GALNTL6: variants seen among roughly 807,000 people sequenced by gnomAD.
GALNTL6 encodes polypeptide N-acetylgalactosaminyltransferase-like 6.
In GALNTL6, 46 loss-of-function variants were observed where a neutral mutation model predicts 73.7. That is an observed-to-expected ratio of 0.62 (90% CI 0.49 to 0.80). GALNTL6 has a LOEUF of 0.80. GALNTL6 is among the 30% of genes least tolerant of loss of function. The pLI, the probability that GALNTL6 is intolerant of heterozygous loss-of-function variation, is 0.00. For synonymous variants in GALNTL6, 259 were observed against 263.7 expected (o/e 0.98, Z 0.17); for missense variants, 604 against 755.0 (o/e 0.80, Z 2.34).
At chr4:172,959,356 G>A (rs990463505) in intron 10 of GALNTL6, among the ~76,000 whole-genome samples, 2 of 152,078 alleles carry the variant, frequency 1.3e-5, no homozygotes, top group African/African-American at 4.8e-5. Context: ...AAGGGAGCTG[G>A]GCAGGTGGGG....
chr4:172,793,521 A>G (rs1560956626), intron 5 of GALNTL6, among the ~76,000 whole-genome samples: 1 of 152,200 alleles, frequency 6.6e-6, no homozygotes, highest in African/African-American at 2.4e-5. Context: ...TGTGAAAAGC[A>G]TCCCGGGACC....
chr4:171,998,223 T>C (rs1400577837), intron 2 of GALNTL6, among the ~76,000 whole-genome samples: 1 of 152,128 alleles, frequency 6.6e-6, no homozygotes, highest in Non-Finnish European at 1.5e-5. Context: ...ATCTATTAAG[T>C]TTCTCCAGCA....
At chr4:172,570,451 C>T (rs1268230882) in intron 5 of GALNTL6, among the ~76,000 whole-genome samples, 1 of 151,910 alleles carries the variant, frequency 6.6e-6, no homozygotes, top group Non-Finnish European at 1.5e-5. Context: ...CTACTTCAGA[C>T]TGGTGCTGTA....
chr4:172,601,665 T>C (rs1001987862), intron 5 of GALNTL6, among the ~76,000 whole-genome samples: 2 of 152,122 alleles, frequency 1.3e-5, no homozygotes, highest in Admixed American at 6.5e-5. Flanking sequence ...TTAATAAACA[T>C]TTTTTCTTTA....
intron 2 of GALNTL6, among the ~76,000 whole-genome samples, chr4:172,024,554 T>G (rs550257330): frequency 6.6e-6 from 1 of 152,062 alleles, no homozygotes; most frequent in Admixed American, 6.6e-5. Context: ...AAACCTTCTC[T>G]CAATTCCCAA....
intron 10 of GALNTL6, among the ~76,000 whole-genome samples, chr4:172,977,632 T>C (rs1489924846): frequency 6.6e-6 from 1 of 152,168 alleles, no homozygotes; most frequent in Non-Finnish European, 1.5e-5. Context: ...AGAGGATTCA[T>C]GGCAGGCTGC....
At chr4:171,852,925 C>G (rs935527883) in intron 2 of GALNTL6, among the ~76,000 whole-genome samples, 1 of 151,758 alleles carries the variant, frequency 6.6e-6, no homozygotes, top group Admixed American at 6.6e-5. Flanking sequence ...CGGCTCACTG[C>G]AAGCTCCGCC....
intron 2 of GALNTL6, among the ~76,000 whole-genome samples, chr4:171,869,959 C>T (rs1432579465): frequency 6.6e-6 from 1 of 150,428 alleles, no homozygotes; most frequent in Non-Finnish European, 1.5e-5. Context: ...ATGTCTTTAT[C>T]AGCAGCATGA....
At chr4:172,423,387 C>A (rs1162820657) in intron 5 of GALNTL6, among the ~76,000 whole-genome samples, 2 of 152,008 alleles carry the variant, frequency 1.3e-5, no homozygotes, top group African/African-American at 2.4e-5. Flanking sequence ...TAATTAACTG[C>A]CTGACCTACT....
At chr4:173,008,378 A>G (rs930715748) in intron 10 of GALNTL6, among the ~76,000 whole-genome samples, 1 of 152,256 alleles carries the variant, frequency 6.6e-6, no homozygotes. Flanking sequence ...GCTACTGCCT[A>G]TGTTGCATTA....
At chr4:172,874,534 C>T (rs116799742) in intron 7 of GALNTL6, among the ~76,000 whole-genome samples, 2,688 of 152,242 alleles carry the variant, frequency 0.018, 81 homozygotes, top group African/African-American at 0.061. Flanking sequence ...AAGATCTAAT[C>T]TATGTTTTAT....
intron 2 of GALNTL6, among the ~76,000 whole-genome samples, chr4:172,223,295 T>C (rs1273857889): frequency 1.3e-5 from 2 of 152,038 alleles, no homozygotes; most frequent in African/African-American, 4.8e-5. Flanking sequence ...ACCAAAAAAA[T>C]TTATGTTCTG....
chr4:171,817,984 G>A (rs1026528185), intron 2 of GALNTL6, among the ~76,000 whole-genome samples: 22 of 150,956 alleles, frequency 1.5e-4, no homozygotes, highest in African/African-American at 5.3e-4. Context: ...GTCTTTTTTT[G>A]TTATTGGGAT....
Position 172,566,581 on chromosome 4 carries a change from A to T in GALNTL6, c.553+217892A>T, listed in dbSNP as rs573051924. 1.4e-4 allele frequency among the ~76,000 whole-genome samples: 22 copies of T among 152,222 alleles called. No homozygotes were observed. In the East Asian group the frequency reaches 3.1e-3, roughly 21 times the overall value. ...TTTATAGCAATAAATGCCTGCATTT[A>T]AAAAAATCTCAAATAAACAACATAA... On this transcript the variant is annotated intron_variant, in intron 5 of 12. Coordinates refer to ENST00000506823, the MANE Select transcript of GALNTL6 (RefSeq NM_001034845.3).
At chr4:171,937,493 A>C (rs572338315) in intron 2 of GALNTL6, among the ~76,000 whole-genome samples, 1 of 152,124 alleles carries the variant, frequency 6.6e-6, no homozygotes, top group African/African-American at 2.4e-5. Context: ...TGTTTTTTGT[A>C]TGCACATGTG....
At chr4:172,391,124 A>G (rs1336984144) in intron 5 of GALNTL6, among the ~76,000 whole-genome samples, 1 of 152,226 alleles carries the variant, frequency 6.6e-6, no homozygotes, top group African/African-American at 2.4e-5. Context: ...GTCTTGGTCC[A>G]TGTGTGCTGC....
intron 5 of GALNTL6, among the ~76,000 whole-genome samples, chr4:172,395,901 C>T (rs1743832839): frequency 6.6e-6 from 1 of 152,010 alleles, no homozygotes; most frequent in Non-Finnish European, 1.5e-5. Flanking sequence ...AAAAATGAGT[C>T]CCTAAACCTA....
intron 5 of GALNTL6, among the ~76,000 whole-genome samples, chr4:172,491,491 T>C (rs1422717045): frequency 6.6e-6 from 1 of 152,130 alleles, no homozygotes; most frequent in Non-Finnish European, 1.5e-5. Context: ...CTGGCTCGTA[T>C]TGACAATTTG....
intron 10 of GALNTL6, among the ~76,000 whole-genome samples, chr4:172,982,132 C>T (rs1751094379): frequency 1.3e-5 from 2 of 152,284 alleles, no homozygotes; most frequent in South Asian, 2.1e-4. Flanking sequence ...GATCCAAGAA[C>T]ACAGACATCT....
Sources: allele counts gnomAD v4.1 joint callset (sites outside exome capture counted in the v4.1 genomes callset), GRCh38; gene constraint gnomAD v4.1.1; transcripts MANE v1.5; gene names NCBI Gene and HGNC (gene_info 2026-07-23, HGNC 2026-07-21).